WDR3: variants seen among roughly 807,000 people sequenced by gnomAD.
The protein encoded by WDR3 is WD repeat-containing protein 3.
WDR3 carries 81 observed loss-of-function variants against 123.7 expected under a neutral mutation model. The ratio of observed to expected loss-of-function variants is 0.65; its 90% confidence interval spans 0.55 to 0.79. The LOEUF (loss-of-function observed/expected upper bound fraction) is 0.79, where lower values mean the gene tolerates loss of function less well. Among genes scored for constraint, WDR3 ranks in the 30% least tolerant of loss-of-function variants. WDR3 has a pLI of 0.00. For synonymous variants in WDR3, 390 were observed against 388.8 expected, an observed-to-expected ratio of 1.00 and a Z score of -0.04; for missense variants, 1,027 against 1,123.2, an observed-to-expected ratio of 0.91 and a Z score of 1.22.
In WDR3 at chr1:117,950,068, A is replaced by C; in HGVS notation, c.1684A>C (p.Lys562Gln). Residue 562 changes from lysine to glutamine, a missense_variant, in exon 15 of 27, where the codon AAG (lysine) becomes CAG (glutamine). By Grantham distance (53) the Lys-to-Gln change is moderately conservative. Transcript: ENST00000349139. ...GTGTGTCAGTTACTCTCCCAATCAA[A>C]AGCTATTGGCTGTGTCTTTGCTGGA... is the stretch of plus-strand genomic sequence containing the variant. ...VLCVSYSPNQ[K>Q]LLAVSLLDCT... 3.7e-6 allele frequency: 6 copies of C among 1,613,828 alleles called. No homozygotes were observed. The highest frequency in any genetic ancestry group is 5.1e-6 in the Non-Finnish European group (6 of 1,179,904).
chr1:117,949,745 T>G lies in WDR3; in HGVS notation c.1525-6T>G. ...GTTTTTAATTGAAATTTCATTTGAT[T>G]TTCAGCGTGGCTTTGTGACAGGTGG... On this transcript the variant is annotated splice_region_variant and splice_polypyrimidine_tract_variant and intron_variant, in intron 13 of 26. Coordinates refer to ENST00000349139, the MANE Select transcript of WDR3 (RefSeq NM_006784.3). 1 of 1,611,804 alleles carries G rather than the reference T, an allele frequency of 6.2e-7. No individual in the cohort carries two copies. Among genetic ancestry groups the G allele is most frequent in the Non-Finnish European group, 8.5e-7 (1 of 1,179,334 alleles).
At chr1:117,949,952 T>C (rs961652324) in intron 14 of WDR3, 43 bp from the exon 15 acceptor site, 2 of 1,612,988 alleles carry the variant, frequency 1.2e-6, no homozygotes, top group African/African-American at 2.7e-5. Flanking sequence ...TGTCTGAATT[T>C]GTATACTCAT....
At position 117,962,326 on chromosome 1, in the gene WDR3, A is replaced by C. The variant is rs1653209443; in HGVS notation, c.*2879A>C. ...TTATAAAGTAAATTTTAAGCCAGGC[A>C]AATTTCTAGTCATTAAGTCAGTATT... On this transcript the variant is annotated 3_prime_UTR_variant, in exon 27 of 27. Transcript: ENST00000349139. 1 of 152,218 alleles carries C rather than the reference A, an allele frequency of 6.6e-6. No homozygotes were observed. The highest frequency in any genetic ancestry group is 2.4e-5 in the African/African-American group (1 of 41,468). The allele number at this position is 152,218 out of a possible 1,614,324, so 9.4% of individuals were successfully genotyped here.
At chr1:117,945,371 C>T (rs969520067) in intron 11 of WDR3, among the ~76,000 whole-genome samples, 2 of 152,220 alleles carry the variant, frequency 1.3e-5, no homozygotes, top group African/African-American at 2.4e-5. Flanking sequence ...ATGTGCCTTT[C>T]TTATGGCTGT....
chr1:117,930,953 G>A (rs1650693064), intron 1 of WDR3, among the ~76,000 whole-genome samples: 1 of 152,106 alleles, frequency 6.6e-6, no homozygotes, highest in South Asian at 2.1e-4. Context: ...TGGAGAATTT[G>A]TTTATTTATT....
chr1:117,957,515 C>T (rs1218370709), intron 25 of WDR3, among the ~76,000 whole-genome samples: 1 of 152,200 alleles, frequency 6.6e-6, no homozygotes, highest in African/African-American at 2.4e-5. Flanking sequence ...TAAGATAGCT[C>T]TGGTTCTAGT....
In WDR3 at chr1:117,943,638, G is replaced by T. The variant is rs778189401; in HGVS notation, c.1328+12G>T. The T allele has an allele frequency of 6.2e-7, 1 of 1,612,580 alleles. No homozygotes were observed. Among genetic ancestry groups the T allele is most frequent in the Non-Finnish European group, 8.5e-7 (1 of 1,179,022 alleles). ...AAAATATGGAACAGGTTCGTGAAAT[G>T]ATGTTTTATATAGCTGTAGTTAGTA... On this transcript the variant is annotated intron_variant, in intron 11 of 26. Transcript: ENST00000349139.
At position 117,952,287 on chromosome 1, in the gene WDR3, C is replaced by G; in HGVS notation, c.1905-10C>G. On this transcript the variant is annotated splice_polypyrimidine_tract_variant and intron_variant, in intron 17 of 26. Transcript: ENST00000349139. ...TTTGATGACATTTTAATATTTCTGT[C>G]ACTTTTCAGTGTGATGTACCTACAG... 1.3e-6 allele frequency: 2 copies of G among 1,596,570 alleles called. No homozygotes were observed. Among genetic ancestry groups the G allele is most frequent in the Non-Finnish European group, 1.7e-6 (2 of 1,170,184 alleles).
In WDR3 at chr1:117,941,831, G is replaced by T. The variant is rs748808132; in HGVS notation, c.973G>T (p.Ala325Ser). The change falls in exon 9 of 27, where the codon GCT becomes TCT. Residue 325 changes from alanine to serine, a missense_variant. Ala to Ser is a moderately conservative substitution (Grantham distance 99). Coordinates refer to ENST00000349139, the MANE Select transcript of WDR3 (RefSeq NM_006784.3). ...GAAAATGGATAAGAAGATGAAGAAAGCTAGAAAGAAAGCAAAGTATGTTTT... is the reference window on the plus strand; with the variant it reads ...GAAAATGGATAAGAAGATGAAGAAATCTAGAAAGAAAGCAAAGTATGTTTT... ...QKKMDKKMKK[A>S]RKKAKLHSSK... 2 of 1,609,426 alleles carry T rather than the reference G, an allele frequency of 1.2e-6. No individual in the cohort carries two copies. Among genetic ancestry groups the T allele is most frequent in the Non-Finnish European group, 1.7e-6 (2 of 1,178,852 alleles).
chr1:117,954,006 G>A lies in WDR3; in HGVS notation c.2269-1G>A. ...CTTCTTTCCTTTCTCATCCTCTGTA[G>A]GCTGAGAGGATTATGGAGGCTATTG... On this transcript the variant is annotated splice_acceptor_variant, in intron 21 of 26. Coordinates refer to ENST00000349139, the MANE Select transcript of WDR3 (RefSeq NM_006784.3). LOFTEE classifies it high-confidence loss of function. 1 of 1,609,370 alleles carries A rather than the reference G, an allele frequency of 6.2e-7. No individual in the cohort carries two copies. Among genetic ancestry groups the A allele is most frequent in the Non-Finnish European group, 8.5e-7 (1 of 1,177,460 alleles).
Position 117,934,577 on chromosome 1 carries a change from C to T in WDR3, c.276C>T (p.Phe92=), listed in dbSNP as rs1650851351. 2 of 1,614,166 alleles carry T rather than the reference C, an allele frequency of 1.2e-6. No homozygotes were observed. The highest frequency in any genetic ancestry group is 4.5e-5 in the East Asian group (2 of 44,872). ...ATGAGGATGGGTCGATCCGAATCTT[C>T]AGTCTCCTGAGTGGGGAAGGAAATG... The part of the protein sequence containing the change: ...VGYEDGSIRI[F]SLLSGEGNVT... Residue 92 remains phenylalanine, a synonymous_variant, in exon 3 of 27, where the codon TTC becomes TTT. Transcript: ENST00000349139.
At position 117,952,599 on chromosome 1, in the gene WDR3, C is replaced by G; in HGVS notation, c.2088C>G (p.Asp696Glu). The G allele has an allele frequency of 1.9e-6, 3 of 1,613,576 alleles. No individual in the cohort carries two copies. Among genetic ancestry groups the G allele is most frequent in the Non-Finnish European group, 2.5e-6 (3 of 1,179,644 alleles). Residue 696 changes from aspartate (D) to glutamate (E), a missense_variant, in exon 19 of 27, where the codon GAC becomes GAG. Transcript: ENST00000349139. The part of the protein sequence containing the change: ...SGDYVVSSSH[D>E]KSLRLWERTR... Reference sequence around the variant, plus strand: ...ACTATGTTGTATCATCGTCCCATGACAAATCTCTGAGACTTTGGGAGAGAA... The same window carrying G: ...ACTATGTTGTATCATCGTCCCATGAGAAATCTCTGAGACTTTGGGAGAGAA...
At chr1:117,942,996 A>G (rs375689771) in intron 10 of WDR3, among the ~76,000 whole-genome samples, 3 of 149,060 alleles carry the variant, frequency 2.0e-5, no homozygotes, top group South Asian at 2.1e-4. Context: ...TCTGTTGCCC[A>G]GGCTGGAGTG....
rs114725154 is a variant in WDR3 at position 117,939,860 on chromosome 1, A to G, written c.675+288A>G. 7.5e-3 allele frequency among the ~76,000 whole-genome samples: 1,135 copies of G among 152,314 alleles called. 14 individuals are homozygous for G. The highest frequency in any genetic ancestry group is 0.025 in the African/African-American group (1,057 of 41,564). On this transcript the variant is annotated intron_variant, in intron 6 of 26. Transcript: ENST00000349139. ...CTTTGGGTGTCCATGGATGGCCTTC[A>G]GAATATCTGTGAACCTTTCCCCTCA...
intron 9 of WDR3, 87 bp downstream of exon 9, chr1:117,941,934 A>C: frequency 6.8e-7 from 1 of 1,463,764 alleles, no homozygotes; most frequent in South Asian, 1.5e-5. Context: ...TTTCATATTT[A>C]CTGTCTTATC....
intron 12 of WDR3, 98 bp downstream of exon 12, chr1:117,946,277 C>A: frequency 2.2e-6 from 2 of 891,278 alleles, no homozygotes; most frequent in Non-Finnish European, 1.7e-6. Context: ...TGGAAATGGA[C>A]TGGAGCTAAG....
intron 13 of WDR3, among the ~76,000 whole-genome samples, chr1:117,949,131 G>A (rs908555810): frequency 2.6e-5 from 4 of 152,088 alleles, no homozygotes; most frequent in Non-Finnish European, 4.4e-5. Context: ...GGGTCCAAAC[G>A]AAACAGCTGT....
chr1:117,950,276 A>G, intron 15 of WDR3, 146 bp downstream of exon 15: 1 of 1,025,380 alleles, frequency 9.8e-7, no homozygotes, highest in Non-Finnish European at 1.4e-6. Context: ...CAATGTAACT[A>G]TGCTAGGGAA....
Position 117,946,137 on chromosome 1 carries a change from A to G in WDR3, c.1380A>G (p.Ser460=). 1 of 1,613,352 alleles carries G rather than the reference A, an allele frequency of 6.2e-7. No homozygotes were observed. The highest frequency in any genetic ancestry group is 1.1e-5 in the South Asian group (1 of 91,006). Residue 460 remains serine, a synonymous_variant, in exon 12 of 27, where the codon TCA becomes TCG. Transcript: ENST00000349139. ...RTMTCEYALC[S]FFVPGDRQVV... is the part of the protein sequence containing the mutation. ...TGACCTGTGAATATGCACTTTGCTCATTCTTTGTACCTGGTGATAGACAGG... is the reference window on the plus strand; with the variant it reads ...TGACCTGTGAATATGCACTTTGCTCGTTCTTTGTACCTGGTGATAGACAGG...
Sources: gnomAD v4.1 joint callset for allele counts (sites outside exome capture counted in the v4.1 genomes callset) on GRCh38, gnomAD v4.1.1 for gene constraint, MANE v1.5 for transcripts, NCBI Gene and HGNC (gene_info 2026-07-23, HGNC 2026-07-21) for gene names.